Variants in ALOX5 observed in about 807,000 individuals in gnomAD.
ALOX5 encodes polyunsaturated fatty acid 5-lipoxygenase.
Under a neutral mutation model 87.9 loss-of-function variants are expected in ALOX5, and 64 were observed. The ratio of observed to expected loss-of-function variants is 0.73; its 90% CI spans 0.60 to 0.90. ALOX5 has a LOEUF of 0.90. ALOX5 is among the 40% of genes least tolerant of loss of function. The pLI, the probability that ALOX5 is intolerant of heterozygous loss-of-function variation, is 0.00. For synonymous variants in ALOX5, 388 were observed against 355.1 expected (o/e 1.09, Z -1.04); for missense variants, 822 against 907.5 (o/e 0.91, Z 1.21).
intron 7 of ALOX5, among the ~76,000 whole-genome samples, chr10:45,433,702 A>T (rs560952687): frequency 6.6e-6 from 1 of 152,374 alleles, no homozygotes; most frequent in South Asian, 2.1e-4. Context: ...AGGTAGATTC[A>T]AAAATTTGTT....
intron 1 of ALOX5, among the ~76,000 whole-genome samples, chr10:45,377,502 C>T (rs1429258584): frequency 6.6e-6 from 1 of 152,076 alleles, no homozygotes; most frequent in Non-Finnish European, 1.5e-5. Context: ...CCCTCAATCT[C>T]CGGCTCTCTG....
rs1174097001 is a variant in ALOX5, at chr10:45,440,440, T to C, written c.992T>C (p.Ile331Thr). The C allele has an allele frequency of 6.2e-7, 1 of 1,613,924 alleles. No individual in the cohort carries two copies. The highest frequency in any genetic ancestry group is 8.5e-7 in the Non-Finnish European group (1 of 1,179,994). The change falls in exon 8 of 14, where the codon ATC becomes ACC. Residue 331 changes from isoleucine (I) to threonine (T), a missense_variant. Physicochemically the swap from Ile to Thr is moderately conservative, Grantham distance 89 (BLOSUM62 -1). Coordinates refer to ENST00000374391, the MANE Select transcript of ALOX5 (RefSeq NM_000698.5). Reference protein sequence around the residue: ...IVPIAIQLNQIPGDENPIFLP... With the variant: ...IVPIAIQLNQTPGDENPIFLP... ...CCCCCAATGTATCAGCTCAACCAAA[T>C]CCCGGGAGATGAGAACCCTATTTTC... is the stretch of plus-strand genomic sequence containing the variant.
At chr10:45,437,732 G>T (rs1842101153) in intron 7 of ALOX5, among the ~76,000 whole-genome samples, 1 of 152,136 alleles carries the variant, frequency 6.6e-6, no homozygotes, top group Non-Finnish European at 1.5e-5. Context: ...TACCTATTTA[G>T]AAAAGTTTTA....
chr10:45,440,692 G>A lies in ALOX5; in HGVS notation c.1185+59G>A. 4 of 1,564,496 alleles carry A rather than the reference G, an allele frequency of 2.6e-6. No individual in the cohort carries two copies. The South Asian group carries it at 3.4e-5, about 13-fold the overall frequency. Reference sequence around the variant, plus strand: ...GGGCATCTGAGATGTGGAGTGGGAGGGATCACTGACATCCCACAGGGGGAC... The same window carrying A: ...GGGCATCTGAGATGTGGAGTGGGAGAGATCACTGACATCCCACAGGGGGAC... On this transcript the variant is annotated intron_variant, in intron 8 of 13. Coordinates refer to ENST00000374391, the MANE Select transcript of ALOX5 (RefSeq NM_000698.5).
chr10:45,392,243 A>G (rs1342303903), intron 2 of ALOX5, among the ~76,000 whole-genome samples: 5 of 152,182 alleles, frequency 3.3e-5, no homozygotes, highest in African/African-American at 1.2e-4. Flanking sequence ...CATGATGACA[A>G]TGGTGGTTTT....
chr10:45,395,995 C>T, intron 3 of ALOX5, 59 bp downstream of exon 3: 2 of 1,545,520 alleles, frequency 1.3e-6, no homozygotes, highest in Non-Finnish European at 1.8e-6. Flanking sequence ...ATCTCAAGAG[C>T]ATGGTATGAA....
At chr10:45,393,367 AAT>A (rs1453727177) in intron 2 of ALOX5, among the ~76,000 whole-genome samples, 3 of 152,208 alleles carry the variant, frequency 2.0e-5, no homozygotes, top group African/African-American at 7.2e-5. Context: ...TGATTATCTC[AAT>A]AGATGCAGAA....
intron 5 of ALOX5, 98 bp from the exon 6 acceptor site, chr10:45,424,862 C>A: frequency 6.9e-7 from 1 of 1,456,066 alleles, no homozygotes; most frequent in Non-Finnish European, 9.4e-7. Context: ...GGAGAGGAGA[C>A]CAAGCAGGGA....
chr10:45,415,536 T>A (rs187768895), intron 4 of ALOX5, among the ~76,000 whole-genome samples: 2 of 151,816 alleles, frequency 1.3e-5, no homozygotes. Context: ...TATGTAACAA[T>A]CCTGCACGTT....
chr10:45,431,387 G>A (rs1841896934), intron 7 of ALOX5, among the ~76,000 whole-genome samples: 1 of 151,788 alleles, frequency 6.6e-6, no homozygotes, highest in Non-Finnish European at 1.5e-5. Context: ...TAATGCTATG[G>A]TAGACCTAGA....
At chr10:45,395,819 T>G (rs1429105613) in intron 2 of ALOX5, 36 bp from the exon 3 acceptor site, 1 of 1,594,204 alleles carries the variant, frequency 6.3e-7, no homozygotes, top group Admixed American at 1.7e-5. Flanking sequence ...TTATTGTTCT[T>G]CCTCAGGCTC....
intron 1 of ALOX5, among the ~76,000 whole-genome samples, chr10:45,380,961 C>G (rs756690877): frequency 2.1e-4 from 32 of 152,350 alleles, no homozygotes; most frequent in Middle Eastern, 3.4e-3. Flanking sequence ...AAGAACATGC[C>G]TTGGAGGGCA....
At chr10:45,419,362 C>G (rs2132787239) in intron 4 of ALOX5, among the ~76,000 whole-genome samples, 1 of 152,228 alleles carries the variant, frequency 6.6e-6, no homozygotes, top group Middle Eastern at 3.4e-3. Flanking sequence ...GAAGATGAGT[C>G]CAGGGGTTGG....
intron 3 of ALOX5, among the ~76,000 whole-genome samples, chr10:45,404,391 C>T (rs989488739): frequency 1.3e-5 from 2 of 152,220 alleles, no homozygotes; most frequent in African/African-American, 2.4e-5. Context: ...CACTCAGCCA[C>T]GCAGGGAGAA....
Position 45,440,450 on chromosome 10 carries a change from T to C in ALOX5, c.1002T>C (p.Asp334=), listed in dbSNP as rs1431455564. 11 of 1,614,060 alleles carry C rather than the reference T, an allele frequency of 6.8e-6. No homozygotes were observed. Among genetic ancestry groups the C allele is most frequent in the Non-Finnish European group, 8.5e-6 (10 of 1,180,034 alleles). Residue 334 remains aspartate (D), a synonymous_variant, in exon 8 of 14, where the codon GAT becomes GAC. Transcript: ENST00000374391. ...IAIQLNQIPG[D]ENPIFLPSDA... The stretch of plus-strand genomic sequence containing the variant: ...ATCAGCTCAACCAAATCCCGGGAGA[T>C]GAGAACCCTATTTTCCTCCCTTCGG...
chr10:45,381,173 C>G (rs1839814410), intron 1 of ALOX5, among the ~76,000 whole-genome samples: 1 of 152,236 alleles, frequency 6.6e-6, no homozygotes, highest in East Asian at 1.9e-4. Flanking sequence ...TCCCAGAGGC[C>G]TGGGCAGCTG....
intron 7 of ALOX5, among the ~76,000 whole-genome samples, chr10:45,439,679 C>G (rs1842167192): frequency 6.6e-6 from 1 of 152,164 alleles, no homozygotes; most frequent in Non-Finnish European, 1.5e-5. Flanking sequence ...ACCAGGTCAC[C>G]ACAGAGCTTG....
intron 4 of ALOX5, among the ~76,000 whole-genome samples, chr10:45,412,515 C>T (rs918000055): frequency 6.6e-6 from 1 of 152,164 alleles, no homozygotes; most frequent in Admixed American, 6.5e-5. Context: ...AAGGCATAAC[C>T]AGAGGACTCC....
chr10:45,436,512 T>G (rs1842065143), intron 7 of ALOX5, among the ~76,000 whole-genome samples: 1 of 152,238 alleles, frequency 6.6e-6, no homozygotes, highest in African/African-American at 2.4e-5. Flanking sequence ...TAGGATGTCC[T>G]TTCCTTATTG....
Sources: gnomAD v4.1 joint callset for allele counts (sites outside exome capture counted in the v4.1 genomes callset) on GRCh38, gnomAD v4.1.1 for gene constraint, MANE v1.5 for transcripts, NCBI Gene and HGNC (gene_info 2026-07-23, HGNC 2026-07-21) for gene names.